Variants in DDX59 observed in about 807,000 individuals in gnomAD.
DDX59 encodes probable ATP-dependent RNA helicase DDX59.
DDX59 carries 30 observed loss-of-function variants against 51.9 expected under a neutral mutation model. That is an observed-to-expected ratio of 0.58 (90% CI 0.43 to 0.78). DDX59 has a LOEUF of 0.78. Ranked by LOEUF, DDX59 falls within the 30% of genes least tolerant of loss-of-function variation. The pLI, the probability that DDX59 is intolerant of heterozygous loss-of-function variation, is 0.00. For missense variants in DDX59, 672 were observed against 730.8 expected, an observed-to-expected ratio of 0.92 and a Z score of 0.93; for synonymous variants, 255 against 253.3, an observed-to-expected ratio of 1.01 and a Z score of -0.06.
intron 5 of DDX59, among the ~76,000 whole-genome samples, chr1:200,649,628 C>CA (rs60657099): frequency 0.91 from 110,216 of 120,664 alleles, 50,273 homozygotes; most frequent in South Asian, 0.96. Flanking sequence ...GATTCCGTCA[C>CA]AAAAAAAAAA....
intron 4 of DDX59, among the ~76,000 whole-genome samples, chr1:200,652,209 G>A (rs1372865698): frequency 4.6e-5 from 7 of 151,784 alleles, no homozygotes; most frequent in Non-Finnish European, 1.0e-4. Context: ...CTGTAGTGTA[G>A]TGGCATGATT....
chr1:200,663,767 T>TAAAAAAAAAAAAAA (rs59213524), intron 3 of DDX59, 152 bp downstream of exon 3: 1 of 554,902 alleles, frequency 1.8e-6, no homozygotes. Context: ...TAAAACAAAC[T>TAAAAAAAAAAAAAA]AAAAAAAAAA....
chr1:200,666,323 T>C lies in DDX59; in HGVS notation c.418A>G (p.Lys140Glu), dbSNP rs1339618898. ...ECKAKHLLQV[K>E]EKEEKSKLSN... Reference sequence around the variant, plus strand: ...AGTTTTGATTTCTCTTCCTTTTCCTTAACTTGTAGAAGATGTTTCGCTTTA... The same window carrying C: ...AGTTTTGATTTCTCTTCCTTTTCCTCAACTTGTAGAAGATGTTTCGCTTTA... Residue 140 changes from lysine (K) to glutamate (E), a missense_variant, in exon 2 of 8, where the codon AAG becomes GAG. By Grantham distance (56) the Lys-to-Glu change is moderately conservative. Transcript: ENST00000331314. The C allele has an allele frequency of 3.7e-6, 6 of 1,614,206 alleles. No individual in the cohort carries two copies. In the Middle Eastern group the frequency reaches 4.9e-4, roughly 133 times the overall value.
chr1:200,644,214 C>A lies in DDX59; in HGVS notation c.*40G>T. The A allele has an allele frequency of 6.9e-7, 1 of 1,441,870 alleles. No individual in the cohort carries two copies. Among genetic ancestry groups the A allele is most frequent in the Non-Finnish European group, 9.1e-7 (1 of 1,093,508 alleles). 89.3% of individuals were successfully genotyped at this position (1,441,870 alleles called of 1,614,324 possible). ...TATGCAAACCATAATTTTTTGCTGA[C>A]TATATACAATAAAAAAAAATATTCA... On this transcript the variant is annotated 3_prime_UTR_variant, in exon 8 of 8. Coordinates refer to ENST00000331314, the MANE Select transcript of DDX59 (RefSeq NM_001031725.6).
chr1:200,653,912 C>T (rs752627278), intron 4 of DDX59, among the ~76,000 whole-genome samples: 6 of 152,302 alleles, frequency 3.9e-5, no homozygotes, highest in Non-Finnish European at 7.4e-5. Flanking sequence ...ACTGCCGTAT[C>T]GCCTTGTGTA....
At chr1:200,663,898 T>C (rs747057289) in intron 3 of DDX59, 21 bp downstream of exon 3, 12 of 1,538,424 alleles carry the variant, frequency 7.8e-6, no homozygotes, top group Middle Eastern at 1.7e-4. Flanking sequence ...TTCAAAGACA[T>C]TGTATCAAAT....
chr1:200,658,185 A>C (rs1662155008), intron 4 of DDX59, among the ~76,000 whole-genome samples: 1 of 152,200 alleles, frequency 6.6e-6, no homozygotes, highest in African/African-American at 2.4e-5. Context: ...CTGGTGAGAC[A>C]TGTGGGAAGA....
At chr1:200,656,267 T>C (rs938463398) in intron 4 of DDX59, among the ~76,000 whole-genome samples, 9 of 152,316 alleles carry the variant, frequency 5.9e-5, no homozygotes, top group African/African-American at 2.2e-4. Context: ...CTTCATACCA[T>C]CTACATTGGC....
rs116530443 is a variant in DDX59, at chr1:200,660,536, G to A, written c.973-1420C>T. Among the ~76,000 whole-genome samples the A allele has an allele frequency of 7.3e-3, 1,115 of 152,136 alleles. 19 individuals are homozygous for A. The highest frequency in any genetic ancestry group is 0.025 in the African/African-American group (1,036 of 41,514). On this transcript the variant is annotated intron_variant, in intron 3 of 7. Coordinates refer to ENST00000331314, the MANE Select transcript of DDX59 (RefSeq NM_001031725.6). ...AGGAGGGCATCGCTGTGGGCAGGGC[G>A]GTGCTGATGGCGGGAGGTAGGCTAC...
At chr1:200,654,416 A>G (rs1319368826) in intron 4 of DDX59, 1 of 151,392 alleles carries the variant, frequency 6.6e-6, no homozygotes, top group Non-Finnish European at 1.5e-5. Context: ...GAATTGCCTG[A>G]GGGGAAAAAA....
chr1:200,664,852 T>C (rs1662614382), intron 2 of DDX59, among the ~76,000 whole-genome samples: 1 of 152,160 alleles, frequency 6.6e-6, no homozygotes, highest in Non-Finnish European at 1.5e-5. Flanking sequence ...ATTTTGTATT[T>C]TTAGTAGAGA....
downstream of DDX59, chr1:200,641,019 G>A (rs539818547): frequency 1.1e-5 from 4 of 370,320 alleles, no homozygotes; most frequent in Non-Finnish European, 2.2e-5. Context: ...TGTGGCCCTA[G>A]AGCCTCTGAG....
At chr1:200,664,177 C>A in intron 2 of DDX59, 91 bp from the exon 3 acceptor site, 1 of 1,428,456 alleles carries the variant, frequency 7.0e-7, no homozygotes, top group South Asian at 1.4e-5. Flanking sequence ...AGGAACATGG[C>A]CCCTTTAAAG....
downstream of DDX59, among the ~76,000 whole-genome samples, chr1:200,642,275 G>T (rs1661071174): frequency 6.6e-6 from 1 of 152,028 alleles, no homozygotes; most frequent in Admixed American, 6.5e-5. Context: ...AAACTGTATG[G>T]TAATTCTCAC....
chr1:200,643,746 C>A (rs1423097514), downstream of DDX59, among the ~76,000 whole-genome samples: 1 of 151,860 alleles, frequency 6.6e-6, no homozygotes, highest in Admixed American at 6.6e-5. Context: ...AGTAGCCTAT[C>A]TTATTTTTAA....
chr1:200,669,496 C>G (rs1055532920), intron 1 of DDX59: 2 of 152,376 alleles, frequency 1.3e-5, no homozygotes, highest in African/African-American at 4.8e-5. Context: ...GCCAACGCGC[C>G]CCGCACCCCC....
chr1:200,651,119 A>T (rs1207593268), intron 4 of DDX59, among the ~76,000 whole-genome samples: 1 of 152,174 alleles, frequency 6.6e-6, no homozygotes, highest in Non-Finnish European at 1.5e-5. Context: ...TACACTCAAG[A>T]AACTGCTAAA....
intron 3 of DDX59, 124 bp downstream of exon 3, chr1:200,663,795 C>G (rs1662529541): frequency 2.4e-6 from 2 of 816,824 alleles, no homozygotes; most frequent in Non-Finnish European, 3.4e-6. Flanking sequence ...CTAAGGCTTA[C>G]TTGGTAAGAA....
intron 7 of DDX59, among the ~76,000 whole-genome samples, chr1:200,646,886 T>C (rs970044597): frequency 6.6e-6 from 1 of 152,050 alleles, no homozygotes; most frequent in African/African-American, 2.4e-5. Context: ...AAAGGTGGTA[T>C]ATCTACACGA....
Sources: allele counts gnomAD v4.1 joint callset (sites outside exome capture counted in the v4.1 genomes callset), GRCh38; gene constraint gnomAD v4.1.1; transcripts MANE v1.5; gene names NCBI Gene and HGNC (gene_info 2026-07-23, HGNC 2026-07-21).